Variants in HNRNPLL observed in about 807,000 individuals in gnomAD.
The protein encoded by HNRNPLL is heterogeneous nuclear ribonucleoprotein L-like.
A neutral mutation model predicts 67.1 loss-of-function variants in HNRNPLL; 25 were observed. The ratio of observed to expected loss-of-function variants is 0.37; its 90% CI spans 0.27 to 0.52. The LOEUF is 0.52. Among genes scored for constraint, HNRNPLL ranks in the 20% least tolerant of loss-of-function variants. The pLI is 0.90. For synonymous variants in HNRNPLL, 267 were observed against 241.7 expected, an observed-to-expected ratio of 1.10 and a Z score of -0.97; for missense variants, 542 against 673.9, an observed-to-expected ratio of 0.80 and a Z score of 2.17.
intron 12 of HNRNPLL, among the ~76,000 whole-genome samples, chr2:38,564,965 A>G (rs1665800074): frequency 6.6e-6 from 1 of 151,716 alleles, no homozygotes; most frequent in Non-Finnish European, 1.5e-5. Flanking sequence ...ATCTCTCTTC[A>G]TCAATGGGGT....
chr2:38,602,133 G>T, intron 1 of HNRNPLL: 1 of 395,028 alleles, frequency 2.5e-6, no homozygotes, highest in South Asian at 3.5e-5. Context: ...CCCGAGCCGC[G>T]AAACCCCCCA....
rs988394029 is a variant in HNRNPLL, at chr2:38,562,311, T to C, written c.*1871A>G. ...TACCAACTAGTTTACTCCCAAACAA[T>C]TCACTTATTTTGGTGGAGAGAGAGC... is the stretch of plus-strand genomic sequence containing the variant. On this transcript the variant is annotated 3_prime_UTR_variant, in exon 13 of 13. Transcript: ENST00000449105. The C allele has an allele frequency of 1.3e-5, 2 of 152,138 alleles. No homozygotes were observed. The highest frequency in any genetic ancestry group is 6.5e-5 in the Admixed American group (1 of 15,270). The allele number at this position is 152,138 out of a possible 1,614,324, so 9.4% of individuals were successfully genotyped here.
rs1666308372 is a variant in HNRNPLL, at chr2:38,576,567, C to T, written c.874+894G>A. 2.0e-5 allele frequency among the ~76,000 whole-genome samples: 3 copies of T among 151,468 alleles called. No individual in the cohort carries two copies. In the South Asian group the frequency reaches 6.2e-4, roughly 31 times the overall value. On this transcript the variant is annotated intron_variant, in intron 7 of 12. Coordinates refer to ENST00000449105, the MANE Select transcript of HNRNPLL (RefSeq NM_138394.4). ...CACACACACACATACACAACACAAA[C>T]ACACTACTACAGTTCAAAAGAAAAA... is the stretch of plus-strand genomic sequence containing the variant.
Position 38,602,850 on chromosome 2 carries a change from C to G in HNRNPLL, c.-224G>C. 1 of 1,549,426 alleles carries G rather than the reference C, an allele frequency of 6.5e-7. No individual in the cohort carries two copies. Among genetic ancestry groups the G allele is most frequent in the South Asian group, 1.2e-5 (1 of 83,966 alleles). Reference sequence around the variant, plus strand: ...GAAGCTCTGGAGCGGCCGCTCCTCTCAATTACCGAGCCAACATTCAGCCTC... The same window carrying G: ...GAAGCTCTGGAGCGGCCGCTCCTCTGAATTACCGAGCCAACATTCAGCCTC... On this transcript the variant is annotated 5_prime_UTR_variant, in exon 1 of 13. Transcript: ENST00000449105.
At chr2:38,585,539 C>G (rs1666690436) in intron 3 of HNRNPLL, 105 bp downstream of exon 3, 1 of 666,922 alleles carries the variant, frequency 1.5e-6, no homozygotes, top group Non-Finnish European at 2.6e-6. Context: ...ATTAAAAAAA[C>G]TATTTTCTAG....
rs1411637376 is a variant in HNRNPLL, at chr2:38,563,456, A to G, written c.*726T>C. 6.6e-6 allele frequency: 1 copy of G among 152,120 alleles called. No individual in the cohort carries two copies. The highest frequency in any genetic ancestry group is 1.9e-4 in the East Asian group (1 of 5,204). 9.4% of individuals were successfully genotyped at this position (152,120 alleles called of 1,614,324 possible). A position where few individuals can be genotyped will look rare whatever the true frequency, so the allele number is the denominator to read the frequency against. On this transcript the variant is annotated 3_prime_UTR_variant, in exon 13 of 13. Coordinates refer to ENST00000449105, the MANE Select transcript of HNRNPLL (RefSeq NM_138394.4). ...AACCTCTATTAAAATCTCAATGCCA[A>G]ATACTAGCTGTATTTAAGTCACATG...
rs903034754 is a variant in HNRNPLL, at chr2:38,569,478, T to G, written c.1215-144A>C. ...GAGCTATTTAAATAGAGGATTTAGTTTGGGTTATAATCAATCACTCTTGTA... is the reference window on the plus strand; with the variant it reads ...GAGCTATTTAAATAGAGGATTTAGTGTGGGTTATAATCAATCACTCTTGTA... On this transcript the variant is annotated intron_variant, in intron 9 of 12. Transcript: ENST00000449105. The G allele has an allele frequency of 6.5e-6, 4 of 614,640 alleles. No individual in the cohort carries two copies. The Admixed American group carries it at 1.2e-4, about 18-fold the overall frequency. The allele number at this position is 614,640 out of a possible 1,614,324, so 38.1% of individuals were successfully genotyped here. A position where few individuals can be genotyped will look rare whatever the true frequency, so the allele number is the denominator to read the frequency against.
chr2:38,577,576 GT>G lies in HNRNPLL; in HGVS notation c.803-45del, dbSNP rs755135347. The G allele has an allele frequency of 1.2e-3, 1,467 of 1,198,486 alleles. 3 individuals are homozygous for G. Among genetic ancestry groups the G allele is most frequent in the Non-Finnish European group, 9.9e-4 (791 of 801,862 alleles). The allele number at this position is 1,198,486 out of a possible 1,614,324, so 74.2% of individuals were successfully genotyped here. A position where few individuals can be genotyped will look rare whatever the true frequency, so the allele number is the denominator to read the frequency against. On this transcript the variant is annotated intron_variant, in intron 6 of 12. Transcript: ENST00000449105. Reference sequence around the variant, plus strand: ...CATGGTTTTAACAATTTTGACCCAAGTACTTAATGGAGTTCTCAGATGGGAA... The same window carrying G: ...CATGGTTTTAACAATTTTGACCCAAGACTTAATGGAGTTCTCAGATGGGAA...
chr2:38,585,985 C>T (rs990269941), intron 2 of HNRNPLL, 104 bp from the exon 3 acceptor site: 15 of 777,600 alleles, frequency 1.9e-5, no homozygotes, highest in Non-Finnish European at 3.1e-5. Context: ...TGTGTCAAAT[C>T]CCACAGTATT....
chr2:38,575,084 G>T (rs1666247895), intron 7 of HNRNPLL, among the ~76,000 whole-genome samples: 1 of 151,592 alleles, frequency 6.6e-6, no homozygotes, highest in Admixed American at 6.6e-5. Context: ...ATGTATAGTG[G>T]CTAAAGTCCA....
chr2:38,594,822 C>T (rs1667108448), intron 1 of HNRNPLL, among the ~76,000 whole-genome samples: 1 of 151,740 alleles, frequency 6.6e-6, no homozygotes, highest in Admixed American at 6.6e-5. Flanking sequence ...TGGTGGTGCA[C>T]GTCTGTAGCT....
In HNRNPLL at chr2:38,602,857, C is replaced by T. The variant is rs1475519855; in HGVS notation, c.-231G>A. On this transcript the variant is annotated 5_prime_UTR_variant, in exon 1 of 13. Transcript: ENST00000449105. Reference sequence around the variant, plus strand: ...TGGAGCGGCCGCTCCTCTCAATTACCGAGCCAACATTCAGCCTCTCCCTCC... The same window carrying T: ...TGGAGCGGCCGCTCCTCTCAATTACTGAGCCAACATTCAGCCTCTCCCTCC... The T allele has an allele frequency of 6.5e-7, 1 of 1,549,470 alleles. No individual in the cohort carries two copies. Among genetic ancestry groups the T allele is most frequent in the Non-Finnish European group, 8.7e-7 (1 of 1,146,392 alleles).
intron 1 of HNRNPLL, among the ~76,000 whole-genome samples, chr2:38,592,418 G>A (rs984232924): frequency 1.3e-5 from 2 of 152,190 alleles, no homozygotes; most frequent in East Asian, 1.9e-4. Flanking sequence ...TTGTTTAATT[G>A]GTTATCTAGT....
Position 38,573,252 on chromosome 2 carries a change from T to C in HNRNPLL, c.1050A>G (p.Ser350=). The part of the protein sequence containing the change: ...SGLHQLKMNC[S]RVFNLFCLYG... ...ATAAGCAGAACAGGTTGAAGACTCT[T>C]GAACAATTCATTTTTAGTTGATGTA... Residue 350 remains serine, a synonymous_variant, in exon 8 of 13, where the codon TCA becomes TCG. Transcript: ENST00000449105. 2 of 1,610,294 alleles carry C rather than the reference T, an allele frequency of 1.2e-6. No individual in the cohort carries two copies. Among genetic ancestry groups the C allele is most frequent in the Admixed American group, 1.7e-5 (1 of 58,814 alleles).
At chr2:38,570,121 G>C (rs1411758332) in intron 8 of HNRNPLL, among the ~76,000 whole-genome samples, 196 bp from the exon 9 acceptor site, 2 of 152,174 alleles carry the variant, frequency 1.3e-5, no homozygotes, top group South Asian at 2.1e-4. Flanking sequence ...CTATTGTATA[G>C]CCCACTGAAG....
intron 8 of HNRNPLL, 104 bp downstream of exon 8, chr2:38,573,106 G>A: frequency 2.7e-6 from 2 of 746,116 alleles, no homozygotes; most frequent in African/African-American, 1.8e-5. Context: ...ATTACTCAAA[G>A]AATTTGGATA....
intron 1 of HNRNPLL, among the ~76,000 whole-genome samples, chr2:38,592,015 T>A (rs1330203113): frequency 6.6e-6 from 1 of 152,166 alleles, no homozygotes; most frequent in East Asian, 1.9e-4. Flanking sequence ...TTGAATTGCA[T>A]CTTTCAGTAA....
intron 3 of HNRNPLL, among the ~76,000 whole-genome samples, chr2:38,584,193 T>G (rs936440623): frequency 6.6e-6 from 1 of 152,168 alleles, no homozygotes; most frequent in East Asian, 1.9e-4. Context: ...CCCGAGTAGC[T>G]GAGACTTCAA....
At chr2:38,597,188 T>TAC in intron 1 of HNRNPLL, among the ~76,000 whole-genome samples, 1 of 152,348 alleles carries the variant, frequency 6.6e-6, no homozygotes, top group South Asian at 2.1e-4. Flanking sequence ...TGGCACATCC[T>TAC]ACCTCATCCA....
Sources: allele counts gnomAD v4.1 joint callset (sites outside exome capture counted in the v4.1 genomes callset), GRCh38; gene constraint gnomAD v4.1.1; transcripts MANE v1.5; gene names NCBI Gene and HGNC (gene_info 2026-07-23, HGNC 2026-07-21).